DLGAP5: variants seen among roughly 807,000 people sequenced by gnomAD.
DLGAP5 encodes disks large-associated protein 5.
In DLGAP5, 90 loss-of-function variants were observed where a neutral mutation model predicts 99.6. The observed-to-expected ratio is 0.90, with a 90% confidence interval of 0.76 to 1.08. DLGAP5 has a LOEUF of 1.08. DLGAP5 is among the 50% of genes least tolerant of loss of function. The pLI, the probability that DLGAP5 is intolerant of heterozygous loss-of-function variation, is 0.00. For missense variants in DLGAP5, 1,036 were observed against 983.5 expected, an observed-to-expected ratio of 1.05 and a Z score of -0.71; for synonymous variants, 311 against 321.3, an observed-to-expected ratio of 0.97 and a Z score of 0.34.
intron 14 of DLGAP5, among the ~76,000 whole-genome samples, chr14:55,156,123 C>T (rs1307188387): frequency 1.3e-5 from 2 of 151,566 alleles, no homozygotes; most frequent in South Asian, 2.1e-4. Context: ...TGAGAATCAA[C>T]CCAATTTCTA....
rs756184072 is a variant in DLGAP5 at position 55,151,787 on chromosome 14, G to A, written c.2276C>T (p.Thr759Ile). The change falls in exon 17 of 19, where the codon ACA becomes ATA. Residue 759 changes from threonine (T) to isoleucine (I), a missense_variant. Physicochemically the swap from Thr to Ile is moderately conservative, Grantham distance 89. Coordinates refer to ENST00000247191, the MANE Select transcript of DLGAP5 (RefSeq NM_014750.5). ...GCTACTCATCAAAACATCCTGTGAT[G>A]TAATTGAAGAATTCAGTTCCATTCC... is the stretch of plus-strand genomic sequence containing the variant. ...VEGMELNSSI[T>I]SQDVLMSSPE... The A allele has an allele frequency of 1.2e-6, 2 of 1,613,752 alleles. No individual in the cohort carries two copies. Among genetic ancestry groups the A allele is most frequent in the Non-Finnish European group, 1.7e-6 (2 of 1,179,940 alleles).
chr14:55,154,730 A>G lies in DLGAP5; in HGVS notation c.1950T>C (p.Ser650=). 6.2e-7 allele frequency: 1 copy of G among 1,614,036 alleles called. No homozygotes were observed. Reference sequence around the variant, plus strand: ...GTTGTGGAATGCCCATCTCATTTCTACTCTGAGATACAGCTTTGTTGACAG... The same window carrying G: ...GTTGTGGAATGCCCATCTCATTTCTGCTCTGAGATACAGCTTTGTTGACAG... ...PKSVNKAVSQ[S]RNEMGIPQQT... is the part of the protein sequence containing the mutation. The change falls in exon 15 of 19, where the codon AGT becomes AGC. Residue 650 remains serine, a synonymous_variant. Transcript: ENST00000247191.
chr14:55,179,437 T>C lies in DLGAP5; in HGVS notation c.774+192A>G, dbSNP rs3736912. Among the ~76,000 whole-genome samples the C allele has an allele frequency of 2.5e-3, 374 of 152,318 alleles. 12 individuals are homozygous for C. The East Asian group carries it at 0.048, about 20-fold the overall frequency. ...AACAAAATTATGCTTTCTCTACCTA[T>C]AAAGCTCTGAAAATAAGATACCTGA... is the stretch of plus-strand genomic sequence containing the variant. On this transcript the variant is annotated intron_variant, in intron 7 of 18. Transcript: ENST00000247191.
At chr14:55,182,240 G>A (rs922437914) in intron 4 of DLGAP5, 130 bp downstream of exon 4, 1 of 691,362 alleles carries the variant, frequency 1.4e-6, no homozygotes, top group African/African-American at 1.8e-5. Flanking sequence ...TAAAAACAGT[G>A]ACTTTGGTAC....
At chr14:55,157,903 C>T (rs1445888206) in intron 14 of DLGAP5, among the ~76,000 whole-genome samples, 2 of 152,202 alleles carry the variant, frequency 1.3e-5, no homozygotes, top group African/African-American at 4.8e-5. Flanking sequence ...GGTGGGACTA[C>T]AGGCATGTAC....
chr14:55,170,761 TTC>T lies in DLGAP5; in HGVS notation c.1326_1327del (p.Lys443IlefsTer13). On this transcript the variant is annotated frameshift_variant, in exon 11 of 19. Transcript: ENST00000247191. LOFTEE classifies it high-confidence loss of function. ...CCACTCGAAGCAATGTGAAGTTAAT[TTC>T]TCAGTTTCTGACTGGAGGATATTTC... The T allele has an allele frequency of 6.2e-7, 1 of 1,613,674 alleles. No homozygotes were observed. Among genetic ancestry groups the T allele is most frequent in the Non-Finnish European group, 8.5e-7 (1 of 1,179,718 alleles).
At chr14:55,149,379 G>A (rs1226923221) in intron 18 of DLGAP5, among the ~76,000 whole-genome samples, 1 of 152,126 alleles carries the variant, frequency 6.6e-6, no homozygotes, top group African/African-American at 2.4e-5. Flanking sequence ...TGGTACGTGG[G>A]TCACAGTAAC....
intron 16 of DLGAP5, among the ~76,000 whole-genome samples, 198 bp downstream of exon 16, chr14:55,152,392 T>C (rs543936061): frequency 2.2e-4 from 33 of 152,366 alleles, no homozygotes; most frequent in Non-Finnish European, 3.5e-4. Context: ...TCCATATTCA[T>C]TCTGATATGA....
chr14:55,180,918 AC>A, intron 5 of DLGAP5, 140 bp from the exon 6 acceptor site: 1 of 1,077,526 alleles, frequency 9.3e-7, no homozygotes, highest in South Asian at 1.5e-5. Flanking sequence ...GGAGTTCGAA[AC>A]CAGCCTAGGC....
At chr14:55,161,796 C>CACTTGAAGTGAA (rs1882447279) in intron 13 of DLGAP5, among the ~76,000 whole-genome samples, 1 of 135,656 alleles carries the variant, frequency 7.4e-6, no homozygotes, top group Non-Finnish European at 1.5e-5. Flanking sequence ...ATCACTTGAA[C>CACTTGAAGTGAA]TCAGGAGTCA....
chr14:55,150,544 A>G, intron 18 of DLGAP5: 1 of 256,872 alleles, frequency 3.9e-6, no homozygotes, highest in Non-Finnish European at 7.4e-6. Flanking sequence ...CAGATATTCA[A>G]GTACCCAGTT....
At chr14:55,175,849 A>G (rs1883042422) in intron 9 of DLGAP5, 45 bp downstream of exon 9, 4 of 1,457,192 alleles carry the variant, frequency 2.7e-6, no homozygotes, top group Non-Finnish European at 9.2e-7. Context: ...TATTTTTTGT[A>G]TTAACATTAT....
At chr14:55,181,322 T>C (rs745663911) in intron 4 of DLGAP5, 25 bp from the exon 5 acceptor site, 1 of 1,568,232 alleles carries the variant, frequency 6.4e-7, no homozygotes, top group South Asian at 1.1e-5. Flanking sequence ...AGGTGCTATG[T>C]GATTTAATTG....
chr14:55,170,327 A>G (rs1413808889), intron 11 of DLGAP5, among the ~76,000 whole-genome samples: 1 of 149,670 alleles, frequency 6.7e-6, no homozygotes, highest in East Asian at 1.9e-4. Flanking sequence ...CATTCAGAGT[A>G]TATTTTTGTG....
intron 13 of DLGAP5, among the ~76,000 whole-genome samples, chr14:55,162,732 T>C (rs553764410): frequency 6.6e-6 from 1 of 152,294 alleles, no homozygotes; most frequent in South Asian, 2.1e-4. Flanking sequence ...TTCTTCTCTC[T>C]AGACATAACT....
intron 11 of DLGAP5, 59 bp downstream of exon 11, chr14:55,170,643 G>T: frequency 7.2e-7 from 1 of 1,379,810 alleles, no homozygotes; most frequent in South Asian, 1.2e-5. Flanking sequence ...TTATGTTTCA[G>T]ATAAACGTAA....
intron 12 of DLGAP5, among the ~76,000 whole-genome samples, chr14:55,163,692 G>A (rs569728760): frequency 1.3e-5 from 2 of 152,172 alleles, no homozygotes; most frequent in African/African-American, 2.4e-5. Context: ...ACTTGCTGTT[G>A]GCAGTGTTTT....
intron 12 of DLGAP5, among the ~76,000 whole-genome samples, chr14:55,167,069 A>C (rs1882669394): frequency 6.6e-6 from 1 of 151,914 alleles, no homozygotes; most frequent in African/African-American, 2.4e-5. Context: ...AGCCTGACCA[A>C]CATGGCGAAC....
chr14:55,152,056 G>T, intron 16 of DLGAP5, 115 bp from the exon 17 acceptor site: 2 of 930,196 alleles, frequency 2.2e-6, no homozygotes, highest in Non-Finnish European at 3.2e-6. Flanking sequence ...CCCGGACACA[G>T]TCTTAAGAAC....
Sources: allele counts gnomAD v4.1 joint callset (sites outside exome capture counted in the v4.1 genomes callset), GRCh38; gene constraint gnomAD v4.1.1; transcripts MANE v1.5; gene names NCBI Gene and HGNC (gene_info 2026-07-23, HGNC 2026-07-21).